SLC1A1: variants seen among roughly 807,000 people sequenced by gnomAD.
SLC1A1 encodes excitatory amino acid transporter 3.
SLC1A1 carries 43 observed loss-of-function variants against 53.3 expected under a neutral mutation model. That is an observed-to-expected ratio of 0.81 (90% CI 0.63 to 1.04). The LOEUF (loss-of-function observed/expected upper bound fraction) is 1.04. Among genes scored for constraint, SLC1A1 ranks in the 50% least tolerant of loss-of-function variants. SLC1A1 has a pLI of 0.00. For missense variants in SLC1A1, 748 were observed against 664.9 expected, an observed-to-expected ratio of 1.12 and a Z score of -1.37; for synonymous variants, 307 against 243.2, an observed-to-expected ratio of 1.26 and a Z score of -2.44.
chr9:4,545,349 G>T (rs1382690679), intron 2 of SLC1A1, among the ~76,000 whole-genome samples: 1 of 152,124 alleles, frequency 6.6e-6, no homozygotes, highest in Non-Finnish European at 1.5e-5. Context: ...CATTTGACCA[G>T]CATGTGATGT....
At chr9:4,502,799 G>C (rs916071413) in intron 1 of SLC1A1, among the ~76,000 whole-genome samples, 2 of 151,728 alleles carry the variant, frequency 1.3e-5, no homozygotes, top group Non-Finnish European at 2.9e-5. Flanking sequence ...CTTCTTTCTT[G>C]CAAAGTGGCC....
At chr9:4,542,671 C>G (rs941476632) in intron 1 of SLC1A1, among the ~76,000 whole-genome samples, 1 of 152,112 alleles carries the variant, frequency 6.6e-6, no homozygotes, top group Non-Finnish European at 1.5e-5. Flanking sequence ...GGAATTACAG[C>G]GTATCCTTAG....
At chr9:4,532,480 G>A (rs1399207753) in intron 1 of SLC1A1, among the ~76,000 whole-genome samples, 7 of 152,136 alleles carry the variant, frequency 4.6e-5, no homozygotes. Context: ...AAGATGAAAT[G>A]AATGAAATGA....
chr9:4,500,163 C>A (rs1053114411), intron 1 of SLC1A1, among the ~76,000 whole-genome samples: 1 of 152,152 alleles, frequency 6.6e-6, no homozygotes, highest in South Asian at 2.1e-4. Context: ...TTTCCCGTGT[C>A]GCTGGAGATT....
intron 1 of SLC1A1, among the ~76,000 whole-genome samples, chr9:4,496,069 T>C (rs1274031298): frequency 6.6e-6 from 1 of 152,048 alleles, no homozygotes; most frequent in Non-Finnish European, 1.5e-5. Context: ...GTTAAGGCTT[T>C]GGGAATGAAT....
Position 4,497,320 on chromosome 9 carries a change from A to G in SLC1A1, c.91+6550A>G, listed in dbSNP as rs376745980. The stretch of plus-strand genomic sequence containing the variant: ...ATTCAAACCCTGGAAGTCTGGCTCT[A>G]GAGCCTCTGCTTCTAACCACTATCC... On this transcript the variant is annotated intron_variant, in intron 1 of 11. Transcript: ENST00000262352. Among the ~76,000 whole-genome samples, 93 of 152,316 alleles carry G rather than the reference A, an allele frequency of 6.1e-4. 2 individuals are homozygous for G. In the East Asian group the frequency reaches 0.014, roughly 23 times the overall value.
chr9:4,554,699 G>C (rs1032607412), intron 2 of SLC1A1, among the ~76,000 whole-genome samples: 1 of 152,222 alleles, frequency 6.6e-6, no homozygotes, highest in Admixed American at 6.5e-5. Flanking sequence ...CCCCTGCAAG[G>C]CCTGTTGGCC....
At chr9:4,548,103 G>T (rs1334142465) in intron 2 of SLC1A1, among the ~76,000 whole-genome samples, 1 of 152,134 alleles carries the variant, frequency 6.6e-6, no homozygotes, top group Non-Finnish European at 1.5e-5. Flanking sequence ...TTTAATGAAA[G>T]AGATGGGGAT....
chr9:4,531,197 C>T (rs538346718), intron 1 of SLC1A1, among the ~76,000 whole-genome samples: 9 of 152,278 alleles, frequency 5.9e-5, no homozygotes, highest in South Asian at 2.1e-4. Flanking sequence ...TGGGGAGTGT[C>T]GGAAAGTGGG....
chr9:4,511,213 C>G (rs1278451991), intron 1 of SLC1A1, among the ~76,000 whole-genome samples: 2 of 152,186 alleles, frequency 1.3e-5, no homozygotes, highest in East Asian at 1.9e-4. Flanking sequence ...TTATAAACAA[C>G]AGACATTTAT....
chr9:4,574,070 G>A (rs1280315147), intron 8 of SLC1A1, 56 bp downstream of exon 8: 7 of 1,188,688 alleles, frequency 5.9e-6, no homozygotes, highest in South Asian at 2.4e-5. Context: ...TAGGATGGCC[G>A]CTGAGAGGTT....
chr9:4,549,415 T>A lies in SLC1A1; in HGVS notation c.232+4708T>A, dbSNP rs898522093. ...TGAGACCACACTTCTACTCAGGACA[T>A]AATCTTTGCTAAAGGTAACCAAAAG... is the stretch of plus-strand genomic sequence containing the variant. On this transcript the variant is annotated intron_variant, in intron 2 of 11. Transcript: ENST00000262352. This position sits in a 1 kb window ranked among gnomAD's most constrained non-coding sequence, Gnocchi z 4.1. Among the ~76,000 whole-genome samples, 12 of 152,278 alleles carry A rather than the reference T, an allele frequency of 7.9e-5. No individual in the cohort carries two copies. The highest frequency in any genetic ancestry group is 2.9e-4 in the African/African-American group (12 of 41,534).
intron 1 of SLC1A1, among the ~76,000 whole-genome samples, chr9:4,522,412 A>C (rs1271264307): frequency 6.6e-6 from 1 of 152,132 alleles, no homozygotes; most frequent in Non-Finnish European, 1.5e-5. Flanking sequence ...TAAGAAGCAT[A>C]GATTTACATT....
intron 1 of SLC1A1, among the ~76,000 whole-genome samples, chr9:4,539,867 AC>A (rs1816855567): frequency 6.6e-6 from 1 of 151,992 alleles, no homozygotes; most frequent in Non-Finnish European, 1.5e-5. Context: ...ACTGTACCCG[AC>A]CTTACCAACT....
In SLC1A1 at chr9:4,586,680, G is replaced by C. The variant is rs746703570; in HGVS notation, c.*1122G>C. ...TTCTGTTATCAGGGCCCAAATAACA[G>C]TGGCAAGCTACCAACTAAGTTGTAT... On this transcript the variant is annotated 3_prime_UTR_variant, in exon 12 of 12. Coordinates refer to ENST00000262352, the MANE Select transcript of SLC1A1 (RefSeq NM_004170.6). The C allele has an allele frequency of 6.6e-6, 1 of 152,194 alleles. No homozygotes were observed. Among genetic ancestry groups the C allele is most frequent in the Non-Finnish European group, 1.5e-5 (1 of 68,032 alleles). The allele number at this position is 152,194 out of a possible 1,614,324, so 9.4% of individuals were successfully genotyped here. A position where few individuals can be genotyped will look rare whatever the true frequency, so the allele number is the denominator to read the frequency against.
chr9:4,532,437 T>G (rs200621313), intron 1 of SLC1A1, among the ~76,000 whole-genome samples: 1 of 152,150 alleles, frequency 6.6e-6, no homozygotes, highest in African/African-American at 2.4e-5. Context: ...AGTAGCCGAT[T>G]CAATCAACTG....
chr9:4,496,902 AAAT>A (rs772757740), intron 1 of SLC1A1, among the ~76,000 whole-genome samples: 10 of 152,198 alleles, frequency 6.6e-5, no homozygotes, highest in Middle Eastern at 3.4e-3. Context: ...TGTCTCTGAA[AAAT>A]AATAATAATA....
intron 3 of SLC1A1, among the ~76,000 whole-genome samples, chr9:4,561,991 C>G (rs996649952): frequency 6.6e-6 from 1 of 151,046 alleles, no homozygotes; most frequent in Middle Eastern, 3.5e-3. Flanking sequence ...CTCTTGGGCT[C>G]AAGGGATCTG....
At chr9:4,511,726 T>G (rs1388526703) in intron 1 of SLC1A1, among the ~76,000 whole-genome samples, 1 of 152,024 alleles carries the variant, frequency 6.6e-6, no homozygotes, top group African/African-American at 2.4e-5. Context: ...CCTGGGCCAG[T>G]GCAACAGGGC....
Sources: gnomAD v4.1 joint callset for allele counts (sites outside exome capture counted in the v4.1 genomes callset) on GRCh38, gnomAD v4.1.1 for gene constraint, Gnocchi (gnomAD v3.1) non-coding constraint, MANE v1.5 for transcripts, NCBI Gene and HGNC (gene_info 2026-07-23, HGNC 2026-07-21) for gene names.